CEP83: variants seen among roughly 807,000 people sequenced by gnomAD.
CEP83 encodes centrosomal protein of 83 kDa.
CEP83 carries 70 observed loss-of-function variants against 101.9 expected under a neutral mutation model. The ratio of observed to expected loss-of-function variants is 0.69; its 90% CI spans 0.57 to 0.84. The LOEUF (loss-of-function observed/expected upper bound fraction) is 0.84, where lower values mean the gene tolerates loss of function less well. CEP83 is among the 40% of genes least tolerant of loss of function. The pLI is 0.00. For missense variants in CEP83, 715 were observed against 787.2 expected (o/e 0.91, Z 1.10); for synonymous variants, 264 against 267.9 (o/e 0.99, Z 0.14).
intron 14 of CEP83, among the ~76,000 whole-genome samples, chr12:94,329,565 A>G (rs2059120896): frequency 6.6e-6 from 1 of 152,236 alleles, no homozygotes; most frequent in Non-Finnish European, 1.5e-5. Context: ...CTTCAAAAGA[A>G]TTCAACCCAA....
At chr12:94,411,305 TA>T (rs1317670988) in intron 4 of CEP83, among the ~76,000 whole-genome samples, 1 of 152,170 alleles carries the variant, frequency 6.6e-6, no homozygotes, top group Non-Finnish European at 1.5e-5. Context: ...CAGTCTCTTT[TA>T]AGAAGCTCTT....
At chr12:94,287,659 T>C in the CEP83 span, among the ~76,000 whole-genome samples, 48 of 152,326 alleles carry the variant, frequency 3.2e-4, no homozygotes, top group African/African-American at 1.2e-3. Context: ...TGCTAACAAA[T>C]TTGTAATTCA....
chr12:94,268,588 C>CTTTTT, the CEP83 span, among the ~76,000 whole-genome samples: 227 of 90,816 alleles, frequency 2.5e-3, 4 homozygotes, highest in African/African-American at 8.1e-3. Flanking sequence ...AGAATAAGAC[C>CTTTTT]TTTTTTTTTT....
intron 2 of CEP83, among the ~76,000 whole-genome samples, chr12:94,425,492 C>T (rs1306583080): frequency 6.6e-6 from 1 of 152,180 alleles, no homozygotes; most frequent in African/African-American, 2.4e-5. Context: ...CCATGTTCTC[C>T]TTACTTGTTG....
At chr12:94,374,366 T>C (rs1439745646) in intron 8 of CEP83, among the ~76,000 whole-genome samples, 1 of 152,180 alleles carries the variant, frequency 6.6e-6, no homozygotes, top group Non-Finnish European at 1.5e-5. Context: ...GTAGTCTGGC[T>C]ACTCAGGTCA....
At chr12:94,294,045 C>G in the CEP83 span, among the ~76,000 whole-genome samples, 9 of 152,194 alleles carry the variant, frequency 5.9e-5, no homozygotes, top group African/African-American at 9.7e-5. Flanking sequence ...ACATAGGAAT[C>G]TGGAGGAGAC....
In CEP83 at chr12:94,347,239, T is replaced by G. The variant is rs368334313; in HGVS notation, c.1344-11575A>C. ...ATAAATCAATAAGATAACTTCTGAA[T>G]GTAAAAAGTGGCCAAAATATTTGAA... is the stretch of plus-strand genomic sequence containing the variant. On this transcript the variant is annotated intron_variant, in intron 11 of 16. Coordinates refer to ENST00000397809, the MANE Select transcript of CEP83 (RefSeq NM_016122.3). 3.9e-5 allele frequency among the ~76,000 whole-genome samples: 6 copies of G among 151,964 alleles called. No individual in the cohort carries two copies. The East Asian group carries it at 5.8e-4, about 15-fold the overall frequency.
At chr12:94,352,685 A>G (rs2060258669) in intron 11 of CEP83, among the ~76,000 whole-genome samples, 1 of 152,124 alleles carries the variant, frequency 6.6e-6, no homozygotes, top group South Asian at 2.1e-4. Flanking sequence ...GGAGCTGAAG[A>G]ATTCCATGAA....
the CEP83 span, among the ~76,000 whole-genome samples, chr12:94,289,442 C>G: frequency 7.2e-5 from 11 of 152,318 alleles, no homozygotes; most frequent in African/African-American, 2.6e-4. Context: ...CAGTTCTGCT[C>G]TGGGCTGGAG....
the CEP83 span, among the ~76,000 whole-genome samples, chr12:94,284,346 A>G: frequency 6.6e-6 from 1 of 152,116 alleles, no homozygotes; most frequent in South Asian, 2.1e-4. Flanking sequence ...AGTTCCTCCC[A>G]AAGTTAGTTC....
rs1354273785 is a variant in CEP83, at chr12:94,367,657, T to C, written c.1343+137A>G. On this transcript the variant is annotated intron_variant, in intron 11 of 16. Coordinates refer to ENST00000397809, the MANE Select transcript of CEP83 (RefSeq NM_016122.3). Reference sequence around the variant, plus strand: ...AATTTCTTAATCTTGATTATTATAATATGGTTACATAGGTATTTGTATTTG... The same window carrying C: ...AATTTCTTAATCTTGATTATTATAACATGGTTACATAGGTATTTGTATTTG... 4 of 463,210 alleles carry C rather than the reference T, an allele frequency of 8.6e-6. No homozygotes were observed. In the Admixed American group the frequency reaches 1.2e-4, roughly 13 times the overall value. 28.7% of individuals were successfully genotyped at this position (463,210 alleles called of 1,614,324 possible). A position where few individuals can be genotyped will look rare whatever the true frequency, so the allele number is the denominator to read the frequency against.
rs568651699 is a variant in CEP83, at chr12:94,308,506, CA to C, written c.*306del. The C allele has an allele frequency of 0.059, 10,840 of 185,194 alleles. 254 individuals carry two copies. The highest frequency in any genetic ancestry group is 0.084 in the Non-Finnish European group (7,701 of 91,322). The allele number at this position is 185,194 out of a possible 1,614,324, so 11.5% of individuals were successfully genotyped here. A position where few individuals can be genotyped will look rare whatever the true frequency, so the allele number is the denominator to read the frequency against. ...GATAGTTATATTTCACTCAAAATGC[CA>C]AAAAAAAAAATTCAACAAAGTAAAA... On this transcript the variant is annotated 3_prime_UTR_variant, in exon 17 of 17. Transcript: ENST00000397809.
chr12:94,362,320 C>A (rs529933565), intron 11 of CEP83, among the ~76,000 whole-genome samples: 1 of 151,824 alleles, frequency 6.6e-6, no homozygotes, highest in South Asian at 2.1e-4. Flanking sequence ...GGAAGCTCTA[C>A]AAAAAAAACT....
intron 11 of CEP83, among the ~76,000 whole-genome samples, chr12:94,344,708 T>C (rs950853884): frequency 2.0e-5 from 3 of 152,206 alleles, no homozygotes; most frequent in Admixed American, 6.5e-5. Context: ...ATGATATTCA[T>C]GGATTGGAAG....
intron 6 of CEP83, among the ~76,000 whole-genome samples, chr12:94,380,083 A>C (rs921233840): frequency 2.8e-4 from 41 of 146,992 alleles, no homozygotes; most frequent in Non-Finnish European, 4.4e-4. Flanking sequence ...AAAAAAAAAA[A>C]AAAAAAACAA....
At position 94,308,793 on chromosome 12, in the gene CEP83, C is replaced by A. The variant is rs1229469869; in HGVS notation, c.*20G>T. ...AGTCACCAACTTCACCTCTTTTGAT[C>A]TGCCTGTTCTCCAAGAACATCATTC... On this transcript the variant is annotated 3_prime_UTR_variant, in exon 17 of 17. Transcript: ENST00000397809. 2 of 1,515,340 alleles carry A rather than the reference C, an allele frequency of 1.3e-6. No individual in the cohort carries two copies. Among genetic ancestry groups the A allele is most frequent in the Admixed American group, 3.4e-5 (2 of 59,546 alleles). 93.9% of individuals were successfully genotyped at this position (1,515,340 alleles called of 1,614,324 possible).
intron 11 of CEP83, among the ~76,000 whole-genome samples, chr12:94,365,769 G>GAA (rs766001301): frequency 1.1e-4 from 8 of 70,710 alleles, no homozygotes; most frequent in East Asian, 4.3e-4. Context: ...GACTGTGTTT[G>GAA]AAAAAAAAAA....
intron 12 of CEP83, 147 bp downstream of exon 12, chr12:94,335,437 CATTTT>C (rs2059407144): frequency 1.7e-6 from 1 of 571,718 alleles, no homozygotes; most frequent in South Asian, 2.2e-5. Flanking sequence ...CATTTTAAAA[CATTTT>C]ATCTTTACAT....
chr12:94,366,089 G>A (rs551308740), intron 11 of CEP83, among the ~76,000 whole-genome samples: 18 of 152,116 alleles, frequency 1.2e-4, no homozygotes, highest in African/African-American at 4.3e-4. Context: ...ACAGGGTAGA[G>A]GAGATGTGGG....
Sources: gnomAD v4.1 joint callset for allele counts (sites outside exome capture counted in the v4.1 genomes callset) on GRCh38, gnomAD v4.1.1 for gene constraint, MANE v1.5 for transcripts, NCBI Gene and HGNC (gene_info 2026-07-23, HGNC 2026-07-21) for gene names.